The following STK24 variants were observed in gnomAD, a reference collection of about 807,000 sequenced individuals.
STK24 encodes the protein serine/threonine-protein kinase 24.
A neutral mutation model predicts 55.6 loss-of-function variants in STK24; 21 were observed. The observed-to-expected ratio is 0.38, with a 90% CI of 0.27 to 0.54. STK24 has a LOEUF of 0.54. Ranked by LOEUF, STK24 falls within the 20% of genes least tolerant of loss-of-function variation. The pLI is 0.79. For missense variants in STK24, 383 were observed against 538.4 expected, an observed-to-expected ratio of 0.71 and a Z score of 2.86; for synonymous variants, 200 against 215.2, an observed-to-expected ratio of 0.93 and a Z score of 0.62.
At chr13:98,512,142 C>T (rs1284453111) in intron 2 of STK24, among the ~76,000 whole-genome samples, 1 of 152,154 alleles carries the variant, frequency 6.6e-6, no homozygotes, top group African/African-American at 2.4e-5. Flanking sequence ...ATCGCCTCAG[C>T]CTCACAAAGT....
intron 2 of STK24, among the ~76,000 whole-genome samples, chr13:98,487,810 G>A (rs1894862719): frequency 6.6e-6 from 1 of 151,960 alleles, no homozygotes; most frequent in South Asian, 2.1e-4. Flanking sequence ...AGTTTTGCTG[G>A]GTCCTGGAAG....
At chr13:98,547,149 T>A (rs541398157) in intron 1 of STK24, among the ~76,000 whole-genome samples, 1 of 152,288 alleles carries the variant, frequency 6.6e-6, no homozygotes, top group East Asian at 1.9e-4. Context: ...CCTGACCTCG[T>A]GATCCACCCG....
chr13:98,509,445 A>T, intron 2 of STK24, among the ~76,000 whole-genome samples: 1 of 152,190 alleles, frequency 6.6e-6, no homozygotes. Flanking sequence ...CACTACCATG[A>T]GAACATAAGC....
intron 1 of STK24, among the ~76,000 whole-genome samples, chr13:98,574,576 T>A (rs1897831361): frequency 6.6e-6 from 1 of 152,178 alleles, no homozygotes; most frequent in South Asian, 2.1e-4. Context: ...CTTCCCCAAA[T>A]GATACACTGT....
chr13:98,446,457 T>C lies in STK24; in HGVS notation c.*6716A>G. ...CTTCTGCCTGGACAAGGGACGGGGG[T>C]TGGCTTTATCTACAGCTCAGTCCTG... On this transcript the variant is annotated 3_prime_UTR_variant, in exon 11 of 11. Coordinates refer to ENST00000539966, the MANE Select transcript of STK24 (RefSeq NM_001032296.4). 1 of 609,766 alleles carries C rather than the reference T, an allele frequency of 1.6e-6. No individual in the cohort carries two copies. Among genetic ancestry groups the C allele is most frequent in the Non-Finnish European group, 2.9e-6 (1 of 346,094 alleles). The allele number at this position is 609,766 out of a possible 1,614,324, so 37.8% of individuals were successfully genotyped here.
chr13:98,512,536 AAAC>A (rs1031558390), intron 2 of STK24, among the ~76,000 whole-genome samples: 1 of 151,908 alleles, frequency 6.6e-6, no homozygotes, highest in Non-Finnish European at 1.5e-5. Context: ...CGAGAAACAA[AAAC>A]AAAACAAAAA....
In STK24 at chr13:98,448,174, CACCA is replaced by C; in HGVS notation, c.*4995_*4998del. 1 of 1,392,238 alleles carries C rather than the reference CACCA, an allele frequency of 7.2e-7. No individual in the cohort carries two copies. The highest frequency in any genetic ancestry group is 1.0e-6 in the Non-Finnish European group (1 of 979,452). 86.2% of individuals were successfully genotyped at this position (1,392,238 alleles called of 1,614,324 possible). On this transcript the variant is annotated 3_prime_UTR_variant, in exon 11 of 11. Transcript: ENST00000539966. ...ACCTTGTGTTTCTGTAAGCGATGCC[CACCA>C]AAGTGTCAGGAGTCCGTCCAAACAA... is the stretch of plus-strand genomic sequence containing the variant.
Position 98,453,073 on chromosome 13 carries a change from C to A in STK24, c.*100G>T. 7.0e-7 allele frequency: 1 copy of A among 1,419,258 alleles called. No individual in the cohort carries two copies. The highest frequency in any genetic ancestry group is 9.8e-7 in the Non-Finnish European group (1 of 1,021,320). The allele number at this position is 1,419,258 out of a possible 1,614,324, so 87.9% of individuals were successfully genotyped here. ...GCTGGGGTGGCTCCCAGTGGCGCACCTCTTCGGTGGAGTCAGCGAAGGCTC... is the reference window on the plus strand; with the variant it reads ...GCTGGGGTGGCTCCCAGTGGCGCACATCTTCGGTGGAGTCAGCGAAGGCTC... On this transcript the variant is annotated 3_prime_UTR_variant, in exon 11 of 11. Transcript: ENST00000539966.
intron 2 of STK24, among the ~76,000 whole-genome samples, chr13:98,501,626 T>C (rs1259927078): frequency 2.6e-5 from 4 of 152,082 alleles, no homozygotes; most frequent in African/African-American, 4.8e-5. Flanking sequence ...AGCTCATGTA[T>C]CCCATAAATA....
At chr13:98,520,085 C>T (rs1170294625) in intron 1 of STK24, among the ~76,000 whole-genome samples, 1 of 152,200 alleles carries the variant, frequency 6.6e-6, no homozygotes, top group Non-Finnish European at 1.5e-5. Flanking sequence ...CTCTTAACCA[C>T]CTGATTAGTT....
At chr13:98,481,043 G>A (rs552601900) in intron 3 of STK24, among the ~76,000 whole-genome samples, 11 of 152,274 alleles carry the variant, frequency 7.2e-5, no homozygotes, top group African/African-American at 2.4e-4. Context: ...CTCTAACACT[G>A]CAATGACAGA....
At chr13:98,575,404 T>C (rs9517357) in intron 1 of STK24, among the ~76,000 whole-genome samples, 25,131 of 146,696 alleles carry the variant, frequency 0.17, 2,089 homozygotes, top group African/African-American at 0.2. Context: ...ACTGCTTATA[T>C]ATACACACAC....
intron 1 of STK24, among the ~76,000 whole-genome samples, chr13:98,528,948 C>T (rs993012361): frequency 1.3e-5 from 2 of 152,146 alleles, no homozygotes; most frequent in African/African-American, 4.8e-5. Flanking sequence ...CAGGCACGGA[C>T]TCTCACCACT....
At position 98,529,577 on chromosome 13, in the gene STK24, G is replaced by A. The variant is rs558164530; in HGVS notation, c.43-10104C>T. 3.9e-5 allele frequency among the ~76,000 whole-genome samples: 6 copies of A among 152,246 alleles called. No individual in the cohort carries two copies. The East Asian group carries it at 7.7e-4, about 20-fold the overall frequency. On this transcript the variant is annotated intron_variant, in intron 1 of 10. Transcript: ENST00000539966. ...CAACTTCTTAATACTGTCTACAAGC[G>A]CCAAAGGTCATATACAGTATGAGTC...
At chr13:98,542,659 T>C (rs1047769133) in intron 1 of STK24, among the ~76,000 whole-genome samples, 1 of 152,172 alleles carries the variant, frequency 6.6e-6, no homozygotes, top group African/African-American at 2.4e-5. Flanking sequence ...CAGCTGAGCC[T>C]AATAAATGCT....
intron 1 of STK24, among the ~76,000 whole-genome samples, chr13:98,523,257 C>G (rs1896323701): frequency 6.6e-6 from 1 of 152,178 alleles, no homozygotes; most frequent in African/African-American, 2.4e-5. Context: ...GTAAACTGTC[C>G]CGCTCCCATA....
intron 3 of STK24, among the ~76,000 whole-genome samples, chr13:98,481,936 A>T (rs1437647482): frequency 1.3e-5 from 2 of 152,068 alleles, no homozygotes; most frequent in African/African-American, 4.8e-5. Context: ...GTGTGGTGGC[A>T]TGCACCTGTA....
At chr13:98,466,278 A>G (rs1168470577) in intron 6 of STK24, 98 bp downstream of exon 6, 14 of 1,178,980 alleles carry the variant, frequency 1.2e-5, no homozygotes, top group African/African-American at 1.5e-5. Flanking sequence ...TACCAGGAAG[A>G]CAGCTGAAAA....
Position 98,452,128 on chromosome 13 carries a change from T to TA in STK24, c.*1044_*1045insT, listed in dbSNP as rs1358892499. ...CATACACAGCAGGTGCCCTGTCCTC[T>TA]GAAGAGTCACATTTCAAGGAGTATG... On this transcript the variant is annotated 3_prime_UTR_variant, in exon 11 of 11. Transcript: ENST00000539966. 6.6e-6 allele frequency: 1 copy of TA among 152,170 alleles called. No individual in the cohort carries two copies. Among genetic ancestry groups the TA allele is most frequent in the Non-Finnish European group, 1.5e-5 (1 of 68,046 alleles). The allele number at this position is 152,170 out of a possible 1,614,324, so 9.4% of individuals were successfully genotyped here. A position where few individuals can be genotyped will look rare whatever the true frequency, so the allele number is the denominator to read the frequency against.
Sources: allele counts gnomAD v4.1 joint callset (sites outside exome capture counted in the v4.1 genomes callset), GRCh38; gene constraint gnomAD v4.1.1; transcripts MANE v1.5; gene names NCBI Gene and HGNC (gene_info 2026-07-23, HGNC 2026-07-21).